The following WDFY3 variants were observed in gnomAD, a reference collection of about 807,000 sequenced individuals.
WDFY3 encodes WD repeat and FYVE domain-containing protein 3.
WDFY3 carries 66 observed loss-of-function variants against 409.6 expected under a neutral mutation model. The ratio of observed to expected loss-of-function variants is 0.16; its 90% CI spans 0.13 to 0.20. The LOEUF (loss-of-function observed/expected upper bound fraction) is 0.20, where lower values mean the gene tolerates loss of function less well. WDFY3 is among the 10% of genes least tolerant of loss of function. WDFY3 has a pLI of 1.00. For synonymous variants in WDFY3, 1,521 were observed against 1,537.1 expected, an observed-to-expected ratio of 0.99 and a Z score of 0.25; for missense variants, 3,031 against 4,298.1, an observed-to-expected ratio of 0.71 and a Z score of 8.24.
chr4:84,858,045 C>A (rs1760018601), intron 4 of WDFY3, among the ~76,000 whole-genome samples: 1 of 152,176 alleles, frequency 6.6e-6, no homozygotes, highest in Non-Finnish European at 1.5e-5. Flanking sequence ...TTATTGCCCC[C>A]TTTCAACTCT....
intron 5 of WDFY3, 24 bp from the exon 6 acceptor site, chr4:84,841,287 T>A (rs753632606): frequency 1.9e-6 from 3 of 1,594,926 alleles, no homozygotes; most frequent in East Asian, 4.5e-5. Context: ...GGGAAAGCCA[T>A]TAAGTGGGGG....
intron 2 of WDFY3, among the ~76,000 whole-genome samples, chr4:84,917,590 C>A (rs1334254699): frequency 1.3e-5 from 2 of 152,036 alleles, no homozygotes; most frequent in Admixed American, 1.3e-4. Context: ...ATAAATAGAG[C>A]ATCTGGTAGA....
intron 13 of WDFY3, among the ~76,000 whole-genome samples, chr4:84,811,108 G>A (rs540043666): frequency 6.6e-6 from 1 of 151,742 alleles, no homozygotes; most frequent in Admixed American, 6.6e-5. Context: ...AGCAATTCTC[G>A]TGCCTCAGCC....
At chr4:84,694,816 G>C (rs1409757726) in intron 58 of WDFY3, among the ~76,000 whole-genome samples, 1 of 151,934 alleles carries the variant, frequency 6.6e-6, no homozygotes, top group South Asian at 2.1e-4. Context: ...TTTTATTAGG[G>C]GATCACATTG....
chr4:84,686,897 C>T (rs1193020746), intron 62 of WDFY3, among the ~76,000 whole-genome samples: 1 of 152,130 alleles, frequency 6.6e-6, no homozygotes, highest in Non-Finnish European at 1.5e-5. Flanking sequence ...TGAATCCCCT[C>T]GTCTGCTTCA....
At chr4:84,831,388 C>A in intron 8 of WDFY3, 25 bp downstream of exon 8, 1 of 1,460,620 alleles carries the variant, frequency 6.8e-7, no homozygotes, top group East Asian at 2.4e-5. Flanking sequence ...ATTTAGAACA[C>A]TTAAATATAT....
At chr4:84,704,218 C>T in intron 55 of WDFY3, 120 bp downstream of exon 55, 1 of 700,172 alleles carries the variant, frequency 1.4e-6, no homozygotes, top group East Asian at 3.0e-5. Context: ...TATGTAACTA[C>T]TTTGTCACTA....
chr4:84,868,710 T>C (rs1197526796), intron 3 of WDFY3, among the ~76,000 whole-genome samples: 1 of 152,160 alleles, frequency 6.6e-6, no homozygotes, highest in Non-Finnish European at 1.5e-5. Context: ...ACTGTTGAAA[T>C]CTCCCTGCTG....
intron 52 of WDFY3, 74 bp from the exon 53 acceptor site, chr4:84,709,102 C>G: frequency 1.9e-6 from 3 of 1,563,334 alleles, no homozygotes; most frequent in Non-Finnish European, 2.6e-6. Context: ...ATTTTATATA[C>G]AAAATGATGT....
At chr4:84,927,441 A>G (rs1428761403) in intron 2 of WDFY3, among the ~76,000 whole-genome samples, 2 of 152,180 alleles carry the variant, frequency 1.3e-5, no homozygotes, top group African/African-American at 4.8e-5. Flanking sequence ...TACAGAAAGA[A>G]CCCATAAAAT....
intron 58 of WDFY3, among the ~76,000 whole-genome samples, chr4:84,694,114 T>C (rs1368143247): frequency 6.6e-6 from 1 of 152,200 alleles, no homozygotes; most frequent in Non-Finnish European, 1.5e-5. Context: ...AAATTCTTTG[T>C]GCAGAGGAAG....
intron 56 of WDFY3, among the ~76,000 whole-genome samples, chr4:84,698,611 A>G (rs566663572): frequency 6.6e-6 from 1 of 152,248 alleles, no homozygotes; most frequent in South Asian, 2.1e-4. Flanking sequence ...ATGTGTATCC[A>G]AGGATGCATG....
At chr4:84,754,479 G>C (rs1229148601) in intron 34 of WDFY3, among the ~76,000 whole-genome samples, 4 of 152,160 alleles carry the variant, frequency 2.6e-5, no homozygotes, top group African/African-American at 9.7e-5. Flanking sequence ...TAATGGTAAT[G>C]TTCTGTTCTT....
chr4:84,782,859 G>T, intron 25 of WDFY3, 104 bp downstream of exon 25: 1 of 920,570 alleles, frequency 1.1e-6, no homozygotes, highest in Non-Finnish European at 1.7e-6. Context: ...ATAGGTCAGT[G>T]CTATTAAAAT....
At chr4:84,701,792 G>T (rs563572241) in intron 56 of WDFY3, among the ~76,000 whole-genome samples, 2 of 152,070 alleles carry the variant, frequency 1.3e-5, no homozygotes, top group African/African-American at 4.8e-5. Flanking sequence ...TAAAGAAAAG[G>T]GGTTTACTTA....
At chr4:84,890,520 T>C (rs1764807976) in intron 3 of WDFY3, among the ~76,000 whole-genome samples, 1 of 152,236 alleles carries the variant, frequency 6.6e-6, no homozygotes, top group South Asian at 2.1e-4. Context: ...TGCTGGCTGC[T>C]GGGAGGCAGT....
At chr4:84,678,835 G>T in intron 65 of WDFY3, 84 bp downstream of exon 65, 1 of 1,436,102 alleles carries the variant, frequency 7.0e-7, no homozygotes. Flanking sequence ...TGGGGCCCAG[G>T]GAGAGCTAGA....
intron 2 of WDFY3, among the ~76,000 whole-genome samples, chr4:84,918,915 C>A (rs563185004): frequency 7.3e-5 from 11 of 151,374 alleles, no homozygotes; most frequent in African/African-American, 2.4e-4. Flanking sequence ...GGCCCAGAAG[C>A]AAAGATATCC....
At chr4:84,871,261 A>T (rs890860058) in intron 3 of WDFY3, among the ~76,000 whole-genome samples, 1 of 152,184 alleles carries the variant, frequency 6.6e-6, no homozygotes, top group Non-Finnish European at 1.5e-5. Context: ...ACACAGTATC[A>T]AAAAAGGAAC....
Sources: gnomAD v4.1 joint callset for allele counts (sites outside exome capture counted in the v4.1 genomes callset) on GRCh38, gnomAD v4.1.1 for gene constraint, MANE v1.5 for transcripts, NCBI Gene and HGNC (gene_info 2026-07-23, HGNC 2026-07-21) for gene names.